Variants in KCNN2 observed in about 807,000 individuals in gnomAD.
The protein encoded by KCNN2 is potassium calcium-activated channel subfamily N member 2.
KCNN2 carries 24 observed loss-of-function variants against 55.5 expected under a neutral mutation model. That is an observed-to-expected ratio of 0.43 (90% CI 0.31 to 0.61). The LOEUF is 0.61. Ranked by LOEUF, KCNN2 falls within the 20% of genes least tolerant of loss-of-function variation. KCNN2 has a pLI of 0.08. For synonymous variants in KCNN2, 431 were observed against 336.1 expected (o/e 1.28, Z -3.09); for missense variants, 754 against 853.6 (o/e 0.88, Z 1.45).
intron 2 of KCNN2, among the ~76,000 whole-genome samples, chr5:114,397,065 T>TAAA (rs1374747853): frequency 5.9e-5 from 9 of 152,240 alleles, no homozygotes; most frequent in South Asian, 2.1e-4. Context: ...TCATTCTTTT[T>TAAA]ATGGCTGTGC....
At chr5:114,112,807 T>C (rs901444175) in intron 1 of KCNN2, among the ~76,000 whole-genome samples, 2 of 152,106 alleles carry the variant, frequency 1.3e-5, no homozygotes, top group Non-Finnish European at 2.9e-5. Context: ...ATAACACCGG[T>C]TATGCACATG....
intron 2 of KCNN2, among the ~76,000 whole-genome samples, chr5:114,268,943 T>TA (rs1554078323): frequency 2.0e-5 from 3 of 150,834 alleles, no homozygotes; most frequent in Non-Finnish European, 3.0e-5. Flanking sequence ...GTCTCGGGGG[T>TA]GGGGGGGTTC....
intron 2 of KCNN2, among the ~76,000 whole-genome samples, chr5:114,249,877 T>C (rs1379430387): frequency 1.3e-5 from 2 of 152,142 alleles, no homozygotes; most frequent in East Asian, 3.8e-4. Context: ...AGGATAAATA[T>C]GCTGAAATTT....
chr5:114,123,660 GCC>G (rs1751872336), intron 1 of KCNN2, among the ~76,000 whole-genome samples: 3 of 151,434 alleles, frequency 2.0e-5, no homozygotes, highest in African/African-American at 2.4e-5. Context: ...ACCGCGCCCG[GCC>G]TCATTTTCTT....
intron 1 of KCNN2, among the ~76,000 whole-genome samples, chr5:114,148,628 C>G (rs939981017): frequency 1.3e-5 from 2 of 151,798 alleles, no homozygotes; most frequent in African/African-American, 4.8e-5. Flanking sequence ...GGGGAGAGTT[C>G]TAAAAGGATG....
intron 2 of KCNN2, among the ~76,000 whole-genome samples, chr5:114,286,012 T>A (rs1029737964): frequency 6.6e-6 from 1 of 151,296 alleles, no homozygotes; most frequent in African/African-American, 2.4e-5. Context: ...CTCCTCGTCC[T>A]GGGTTCAAGC....
intron 5 of KCNN2, among the ~76,000 whole-genome samples, chr5:114,476,025 A>G (rs1761948144): frequency 6.6e-6 from 1 of 151,776 alleles, no homozygotes. Flanking sequence ...TAATTCTGTT[A>G]TTTCATTACT....
chr5:114,280,249 T>A (rs931333302), intron 2 of KCNN2, among the ~76,000 whole-genome samples: 2 of 152,206 alleles, frequency 1.3e-5, no homozygotes, highest in Non-Finnish European at 2.9e-5. Context: ...ATTCTGTAGG[T>A]TGCCTGTTCA....
At chr5:114,128,365 G>A (rs534056230) in intron 1 of KCNN2, among the ~76,000 whole-genome samples, 2 of 152,268 alleles carry the variant, frequency 1.3e-5, no homozygotes, top group African/African-American at 2.4e-5. Flanking sequence ...CCCAGTGGAA[G>A]GGGAAGCCCC....
chr5:114,155,183 C>A (rs966281275), intron 1 of KCNN2, among the ~76,000 whole-genome samples: 1 of 152,096 alleles, frequency 6.6e-6, no homozygotes, highest in African/African-American at 2.4e-5. Context: ...ATAATGACCT[C>A]CAGCCCCATC....
intron 1 of KCNN2, among the ~76,000 whole-genome samples, chr5:114,152,568 A>G (rs2112519528): frequency 6.6e-6 from 1 of 152,252 alleles, no homozygotes; most frequent in East Asian, 1.9e-4. Flanking sequence ...CTTCCAATAC[A>G]TTTTTATGGG....
At chr5:114,232,960 G>A (rs1342747283) in intron 2 of KCNN2, among the ~76,000 whole-genome samples, 1 of 87,280 alleles carries the variant, frequency 1.1e-5, no homozygotes, top group Non-Finnish European at 2.3e-5. Context: ...TCGCTCTGTC[G>A]CCCAGGCTGG....
intron 2 of KCNN2, among the ~76,000 whole-genome samples, chr5:114,258,654 A>G (rs1483534086): frequency 1.3e-5 from 2 of 152,256 alleles, no homozygotes; most frequent in East Asian, 1.9e-4. Context: ...ATTGAACTCC[A>G]TGGCCTGATC....
chr5:114,447,244 T>C (rs760248380), intron 3 of KCNN2, among the ~76,000 whole-genome samples: 4 of 152,196 alleles, frequency 2.6e-5, no homozygotes, highest in Non-Finnish European at 4.4e-5. Context: ...CTTAGCCTGA[T>C]TGGTAGAATG....
intron 7 of KCNN2, 25 bp downstream of exon 7, chr5:114,493,497 C>G (rs1286362441): frequency 1.3e-6 from 2 of 1,524,108 alleles, no homozygotes; most frequent in Non-Finnish European, 1.8e-6. Flanking sequence ...CTTAGCCCTC[C>G]TAGTTGCATC....
intron 2 of KCNN2, among the ~76,000 whole-genome samples, chr5:114,325,590 G>T (rs886142230): frequency 2.6e-5 from 4 of 152,176 alleles, no homozygotes; most frequent in African/African-American, 9.7e-5. Flanking sequence ...TTAATCGTCA[G>T]CCATCTCAGC....
chr5:114,337,678 A>G (rs948419307), intron 2 of KCNN2, among the ~76,000 whole-genome samples: 1 of 152,174 alleles, frequency 6.6e-6, no homozygotes, highest in Non-Finnish European at 1.5e-5. Context: ...GTCTTGGTGA[A>G]TGACCACAGA....
At chr5:114,282,927 G>T (rs1755651519) in intron 2 of KCNN2, among the ~76,000 whole-genome samples, 1 of 152,022 alleles carries the variant, frequency 6.6e-6, no homozygotes, top group Non-Finnish European at 1.5e-5. Flanking sequence ...CACTGTCAAG[G>T]TATCAGTTAT....
At chr5:114,191,712 G>A (rs1199847923) in intron 1 of KCNN2, among the ~76,000 whole-genome samples, 2 of 152,208 alleles carry the variant, frequency 1.3e-5, no homozygotes, top group Middle Eastern at 3.4e-3. Context: ...TAAGGGATTA[G>A]GCATTGTGAT....
Sources: gnomAD v4.1 joint callset for allele counts (sites outside exome capture counted in the v4.1 genomes callset) on GRCh38, gnomAD v4.1.1 for gene constraint, MANE v1.5 for transcripts, NCBI Gene and HGNC (gene_info 2026-07-23, HGNC 2026-07-21) for gene names.